The following RNF213 variants were observed in gnomAD, a reference collection of about 807,000 sequenced individuals.
RNF213 encodes E3 ubiquitin-protein ligase RNF213.
A neutral mutation model predicts 514.4 loss-of-function variants in RNF213; 341 were observed. The ratio of observed to expected loss-of-function variants is 0.66; its 90% CI spans 0.61 to 0.73. The LOEUF (loss-of-function observed/expected upper bound fraction) is 0.73. RNF213 is among the 30% of genes least tolerant of loss of function. RNF213 has a pLI of 0.00. For missense variants in RNF213, 5,767 were observed against 6,615.6 expected, an observed-to-expected ratio of 0.87 and a Z score of 4.45; for synonymous variants, 2,655 against 2,658.2, an observed-to-expected ratio of 1.00 and a Z score of 0.04.
intron 10 of RNF213, 101 bp downstream of exon 10, chr17:80,295,914 C>A: frequency 1.4e-6 from 2 of 1,394,322 alleles, no homozygotes; most frequent in African/African-American, 1.4e-5. Flanking sequence ...AGCACACAGG[C>A]AAGAAATAAA....
At position 80,367,734 on chromosome 17, in the gene RNF213, C is replaced by T. The variant is rs544601828; in HGVS notation, c.11872-14C>T. The T allele has an allele frequency of 3.8e-5, 61 of 1,611,836 alleles. No homozygotes were observed. Among genetic ancestry groups the T allele is most frequent in the South Asian group, 6.6e-5 (6 of 91,018 alleles). Reference sequence around the variant, plus strand: ...TCCCCCCTGCTAATGACTCCTGTCCCTGCCTTTCTTCAGTGTCTTCGAGAG... The same window carrying T: ...TCCCCCCTGCTAATGACTCCTGTCCTTGCCTTTCTTCAGTGTCTTCGAGAG... On this transcript the variant is annotated splice_polypyrimidine_tract_variant and intron_variant, in intron 42 of 67. Coordinates refer to ENST00000582970, the MANE Select transcript of RNF213 (RefSeq NM_001256071.3).
At chr17:80,300,768 T>A (rs1039003998) in intron 11 of RNF213, among the ~76,000 whole-genome samples, 1 of 152,006 alleles carries the variant, frequency 6.6e-6, no homozygotes, top group African/African-American at 2.4e-5. Context: ...GCCAGGCTGG[T>A]CTCAAACCCC....
At position 80,336,719 on chromosome 17, in the gene RNF213, T is replaced by C. The variant is rs144576626; in HGVS notation, c.4527+341T>C. Reference sequence around the variant, plus strand: ...ACTTTTTGTTATTTTCTATAATTGATAGAATTTTTTATCAGAAAAAAGTAA... The same window carrying C: ...ACTTTTTGTTATTTTCTATAATTGACAGAATTTTTTATCAGAAAAAAGTAA... On this transcript the variant is annotated intron_variant, in intron 23 of 67. Transcript: ENST00000582970. 762 of 352,116 alleles carry C rather than the reference T, an allele frequency of 2.2e-3. 3 individuals are homozygous for C. Among genetic ancestry groups the C allele is most frequent in the African/African-American group, 0.015 (690 of 46,934 alleles). The allele number at this position is 352,116 out of a possible 1,614,324, so 21.8% of individuals were successfully genotyped here. A position where few individuals can be genotyped will look rare whatever the true frequency, so the allele number is the denominator to read the frequency against.
At chr17:80,302,295 A>C (rs932833135) in intron 11 of RNF213, among the ~76,000 whole-genome samples, 2 of 152,194 alleles carry the variant, frequency 1.3e-5, no homozygotes, top group Admixed American at 1.3e-4. Flanking sequence ...TTCCAACACA[A>C]AGAAATAAAT....
At chr17:80,372,021 A>T in intron 47 of RNF213, 36 bp downstream of exon 47, 6 of 1,075,126 alleles carry the variant, frequency 5.6e-6, no homozygotes, top group Non-Finnish European at 4.4e-6. Flanking sequence ...TTTCTTTTGG[A>T]AACTATCTGA....
Position 80,331,934 on chromosome 17 carries a change from C to G in RNF213, c.3518-72C>G, listed in dbSNP as rs1334628158. 2.7e-6 allele frequency: 4 copies of G among 1,476,774 alleles called. No individual in the cohort carries two copies. In the Admixed American group the frequency reaches 8.8e-5, roughly 32 times the overall value. 91.5% of individuals were successfully genotyped at this position (1,476,774 alleles called of 1,614,324 possible). ...GCTCAGAGAAGTGAGGAGAGAAAGTCTTAGGAAAGTGAAATAAAATGGAAT... is the reference window on the plus strand; with the variant it reads ...GCTCAGAGAAGTGAGGAGAGAAAGTGTTAGGAAAGTGAAATAAAATGGAAT... On this transcript the variant is annotated intron_variant, in intron 20 of 67. Coordinates refer to ENST00000582970, the MANE Select transcript of RNF213 (RefSeq NM_001256071.3).
intron 3 of RNF213, among the ~76,000 whole-genome samples, chr17:80,274,135 A>G (rs1299484792): frequency 6.6e-6 from 1 of 152,080 alleles, no homozygotes; most frequent in Non-Finnish European, 1.5e-5. Context: ...AGGCCTCTGC[A>G]TTGAGGGTGC....
Position 80,288,265 on chromosome 17 carries a change from GC to G in RNF213, c.715del (p.Gln239ArgfsTer37). The part of the protein sequence containing the change: ...GEGHSRTEDA[A>X]QELLLPESKG... The stretch of plus-strand genomic sequence containing the variant: ...AGGCCATTCTAGGACTGAAGATGCT[GC>G]CCAGGAGCTCCTGTTGCCTGAGTCA... On this transcript the variant is annotated frameshift_variant, in exon 4 of 68. Transcript: ENST00000582970. LOFTEE classifies it high-confidence loss of function. The surrounding 1 kb of genome is among the most constrained non-coding windows in gnomAD (Gnocchi z 4.9). 6.2e-7 allele frequency: 1 copy of G among 1,613,240 alleles called. No homozygotes were observed. Among genetic ancestry groups the G allele is most frequent in the Non-Finnish European group, 8.5e-7 (1 of 1,180,008 alleles).
intron 67 of RNF213, 36 bp from the exon 68 acceptor site, chr17:80,393,309 A>G: frequency 1.9e-6 from 3 of 1,606,668 alleles, no homozygotes; most frequent in Non-Finnish European, 2.6e-6. Flanking sequence ...CATGCTGAGG[A>G]GACTGTTTTA....
chr17:80,382,884 TTA>T lies in RNF213; in HGVS notation c.13979-93_13979-92del, dbSNP rs2080078010. 19 of 775,508 alleles carry T rather than the reference TTA, an allele frequency of 2.5e-5. No homozygotes were observed. In the South Asian group the frequency reaches 2.8e-4, roughly 11 times the overall value. 48.0% of individuals were successfully genotyped at this position (775,508 alleles called of 1,614,324 possible). On this transcript the variant is annotated intron_variant, in intron 57 of 67. Coordinates refer to ENST00000582970, the MANE Select transcript of RNF213 (RefSeq NM_001256071.3). ...GAAAGCTATTACCTCAAAACGAGTG[TTA>T]TTTCTATTAAACACTTATTTAGGGT... is the stretch of plus-strand genomic sequence containing the variant.
chr17:80,380,888 CGTG>C lies in RNF213; in HGVS notation c.13702_13704del (p.Val4568del), dbSNP rs1394155169. 2.5e-6 allele frequency: 4 copies of C among 1,614,038 alleles called. No individual in the cohort carries two copies. Among genetic ancestry groups the C allele is most frequent in the East Asian group, 4.5e-5 (2 of 44,882 alleles). The stretch of plus-strand genomic sequence containing the variant: ...TGCTGGGCAACCCGCAGCGGAGAGA[CGTG>C]GTGACATGTGACCGAGGGCTGCCCC... On this transcript the variant is annotated inframe_deletion, in exon 56 of 68. Coordinates refer to ENST00000582970, the MANE Select transcript of RNF213 (RefSeq NM_001256071.3).
Position 80,291,616 on chromosome 17 carries a change from G to A in RNF213, c.1272-12G>A. The A allele has an allele frequency of 6.2e-7, 1 of 1,614,048 alleles. No homozygotes were observed. Among genetic ancestry groups the A allele is most frequent in the Non-Finnish European group, 8.5e-7 (1 of 1,179,904 alleles). ...AATTTTGGATAGCCAACCGTATCCTGTTCATTCACAGAGACTTGGGTCATG... is the reference window on the plus strand; with the variant it reads ...AATTTTGGATAGCCAACCGTATCCTATTCATTCACAGAGACTTGGGTCATG... On this transcript the variant is annotated splice_polypyrimidine_tract_variant and intron_variant, in intron 7 of 67. Transcript: ENST00000582970.
intron 19 of RNF213, 93 bp downstream of exon 19, chr17:80,328,082 A>G: frequency 2.8e-6 from 4 of 1,414,428 alleles, no homozygotes; most frequent in Non-Finnish European, 3.8e-6. Flanking sequence ...TGTAAAGGAG[A>G]TAATCATCTT....
At chr17:80,389,088 G>C in intron 64 of RNF213, 85 bp from the exon 65 acceptor site, 2 of 1,343,678 alleles carry the variant, frequency 1.5e-6, no homozygotes, top group Non-Finnish European at 2.1e-6. Flanking sequence ...GGCTTGGGCA[G>C]TGAAGGGGCT....
At position 80,332,307 on chromosome 17, in the gene RNF213, G is replaced by T; in HGVS notation, c.3819G>T (p.Glu1273Asp). The T allele has an allele frequency of 6.5e-7, 1 of 1,537,212 alleles. No individual in the cohort carries two copies. The highest frequency in any genetic ancestry group is 8.7e-7 in the Non-Finnish European group (1 of 1,146,914). Residue 1273 changes from glutamate (E) to aspartate (D), a missense_variant, in exon 21 of 68, where the codon GAG (glutamate) becomes GAT (aspartate). Transcript: ENST00000582970. ...ESERHILELE[E>D]VYDYLYQPSY... Reference sequence around the variant, plus strand: ...AAAGGCACATCCTTGAGCTTGAAGAGGTGTATGACTATTTGTATCAGCCTT... The same window carrying T: ...AAAGGCACATCCTTGAGCTTGAAGATGTGTATGACTATTTGTATCAGCCTT...
Position 80,346,243 on chromosome 17 carries a change from C to A in RNF213, c.7908C>A (p.Val2636=). ...MRKTEDECSF[V]SLRDVERCVK... is the part of the protein sequence containing the mutation. Reference sequence around the variant, plus strand: ...AAACAGAAGATGAGTGCAGCTTTGTCAGCCTCAGGGACGTGGAGCGCTGTG... The same window carrying A: ...AAACAGAAGATGAGTGCAGCTTTGTAAGCCTCAGGGACGTGGAGCGCTGTG... The change falls in exon 29 of 68, where the codon GTC becomes GTA. Residue 2636 remains valine (V), a synonymous_variant. Transcript: ENST00000582970. This position sits in a 1 kb window ranked among gnomAD's most constrained non-coding sequence, Gnocchi z 8.1. The A allele has an allele frequency of 6.2e-7, 1 of 1,614,166 alleles. No homozygotes were observed. The highest frequency in any genetic ancestry group is 1.1e-5 in the South Asian group (1 of 91,064).
At chr17:80,306,805 T>C (rs947974967) in intron 12 of RNF213, among the ~76,000 whole-genome samples, 6 of 146,132 alleles carry the variant, frequency 4.1e-5, no homozygotes, top group African/African-American at 1.5e-4. Flanking sequence ...TGAGCCGAGA[T>C]CACGCCGCTG....
rs957679683 is a variant in RNF213, at chr17:80,377,223, G to A, written c.13510+260G>A. 1 of 503,278 alleles carries A rather than the reference G, an allele frequency of 2.0e-6. No homozygotes were observed. Among genetic ancestry groups the A allele is most frequent in the Non-Finnish European group, 3.6e-6 (1 of 276,638 alleles). 31.2% of individuals were successfully genotyped at this position (503,278 alleles called of 1,614,324 possible). ...GATGCACTTCTGTTCTCTGGAATAT[G>A]CCATTTTGGGAGAAGGGAGGGACTG... is the stretch of plus-strand genomic sequence containing the variant. On this transcript the variant is annotated intron_variant, in intron 53 of 67. Coordinates refer to ENST00000582970, the MANE Select transcript of RNF213 (RefSeq NM_001256071.3). This position sits in a 1 kb window ranked among gnomAD's most constrained non-coding sequence, Gnocchi z 4.1.
At position 80,290,623 on chromosome 17, in the gene RNF213, T is replaced by C; in HGVS notation, c.1166T>C (p.Leu389Pro). 1 of 1,614,170 alleles carries C rather than the reference T, an allele frequency of 6.2e-7. No homozygotes were observed. Among genetic ancestry groups the C allele is most frequent in the Admixed American group, 1.7e-5 (1 of 60,016 alleles). ...VTVFFHAIISLHFPFNPDLHK... is the reference protein window; with the variant it reads ...VTVFFHAIISPHFPFNPDLHK... ...GTGTTCTTCCACGCCATCATCTCTC[T>C]TCATTTCCCATTCAATCCTGACCTC... is the stretch of plus-strand genomic sequence containing the variant. The change falls in exon 7 of 68, where the codon CTT (leucine) becomes CCT (proline). Residue 389 changes from leucine to proline, a missense_variant. Leu to Pro is a moderately conservative substitution (Grantham distance 98). Around this residue, in one of 13 missense-constraint regions of RNF213, gnomAD observed 509 missense variants for 496.7 expected, o/e 1.02. Transcript: ENST00000582970.
Sources: allele counts gnomAD v4.1 joint callset (sites outside exome capture counted in the v4.1 genomes callset), GRCh38; gene constraint gnomAD v4.1.1; regional missense constraint gnomAD v4.1.1; non-coding constraint Gnocchi (gnomAD v3.1); transcripts MANE v1.5; gene names NCBI Gene and HGNC (gene_info 2026-07-23, HGNC 2026-07-21).